CACNA2D3: variants seen among roughly 807,000 people sequenced by gnomAD.
CACNA2D3 encodes calcium voltage-gated channel auxiliary subunit alpha2delta 3.
A neutral mutation model predicts 160.6 loss-of-function variants in CACNA2D3; 60 were observed. That is an observed-to-expected ratio of 0.37 (90% confidence interval 0.30 to 0.46). The LOEUF (loss-of-function observed/expected upper bound fraction) is 0.46. Among genes scored for constraint, CACNA2D3 ranks in the 20% least tolerant of loss-of-function variants. The pLI is 1.00. For synonymous variants in CACNA2D3, 558 were observed against 492.9 expected (o/e 1.13, Z -1.75); for missense variants, 1,205 against 1,365.0 (o/e 0.88, Z 1.85).
At chr3:54,962,198 C>G (rs1702046873) in intron 27 of CACNA2D3, among the ~76,000 whole-genome samples, 1 of 152,140 alleles carries the variant, frequency 6.6e-6, no homozygotes, top group African/African-American at 2.4e-5. Context: ...TCAGAGAGGA[C>G]CAACATTCAA....
At chr3:54,938,871 ATTAG>A (rs774758294) in intron 27 of CACNA2D3, among the ~76,000 whole-genome samples, 24 of 152,132 alleles carry the variant, frequency 1.6e-4, no homozygotes, top group Non-Finnish European at 2.5e-4. Context: ...GACAATCCCC[ATTAG>A]TGTGCCATGG....
chr3:54,714,414 T>G (rs1701011824), intron 11 of CACNA2D3, among the ~76,000 whole-genome samples: 1 of 152,106 alleles, frequency 6.6e-6, no homozygotes. Flanking sequence ...TAACAGGATG[T>G]TTTACTCAGA....
chr3:54,876,309 T>C (rs1405331), intron 18 of CACNA2D3: 129,352 of 152,152 alleles, frequency 0.85, 55,504 homozygotes, highest in African/African-American at 0.96. Context: ...AAGCCGCAGC[T>C]TCCTAAGATA....
chr3:54,385,868 A>G (rs1315051131), intron 3 of CACNA2D3: 1 of 486,646 alleles, frequency 2.1e-6, no homozygotes, highest in Non-Finnish European at 4.1e-6. Context: ...TTTTGCTTGG[A>G]TCTAAGATTT....
intron 3 of CACNA2D3, among the ~76,000 whole-genome samples, chr3:54,343,157 G>C (rs1698392729): frequency 1.3e-5 from 2 of 152,098 alleles, no homozygotes; most frequent in African/African-American, 4.8e-5. Context: ...TTAACCCAGA[G>C]AAGTGCTTCT....
At chr3:54,579,420 T>C (rs1053950805) in intron 8 of CACNA2D3, among the ~76,000 whole-genome samples, 1 of 152,116 alleles carries the variant, frequency 6.6e-6, no homozygotes, top group African/African-American at 2.4e-5. Flanking sequence ...AACTCCACAA[T>C]AGCATCCCAA....
intron 11 of CACNA2D3, among the ~76,000 whole-genome samples, chr3:54,680,789 A>T (rs1048176408): frequency 6.6e-6 from 1 of 152,176 alleles, no homozygotes; most frequent in South Asian, 2.1e-4. Context: ...TTTCAGGGTT[A>T]TAGCTATGTT....
intron 9 of CACNA2D3, among the ~76,000 whole-genome samples, chr3:54,613,919 G>A (rs924739678): frequency 2.6e-5 from 4 of 152,000 alleles, no homozygotes; most frequent in Admixed American, 6.5e-5. Context: ...TTTATACTAC[G>A]AAATACACTA....
At chr3:54,288,539 A>G (rs1470050722) in intron 2 of CACNA2D3, among the ~76,000 whole-genome samples, 1 of 152,200 alleles carries the variant, frequency 6.6e-6, no homozygotes, top group Non-Finnish European at 1.5e-5. Flanking sequence ...TCCAATCAAT[A>G]GAAAAAGAGG....
chr3:54,569,852 A>T lies in CACNA2D3; in HGVS notation c.734A>T (p.Lys245Ile). Reference protein sequence around the residue: ...GVIAFDCRNRKWYIQAATSPK... With the variant: ...GVIAFDCRNRIWYIQAATSPK... ...ATTGCCTTCGACTGCAGGAACCGAAAATGGTAGGCAGTGGTCAGACCTCTT... is the reference window on the plus strand; with the variant it reads ...ATTGCCTTCGACTGCAGGAACCGAATATGGTAGGCAGTGGTCAGACCTCTT... Residue 245 changes from lysine (K) to isoleucine (I), a missense_variant, in exon 7 of 38, where the codon AAA becomes ATA. Physicochemically the swap from Lys to Ile is moderately radical, Grantham distance 102. Transcript: ENST00000474759. 1 of 1,610,176 alleles carries T rather than the reference A, an allele frequency of 6.2e-7. No individual in the cohort carries two copies. The highest frequency in any genetic ancestry group is 8.5e-7 in the Non-Finnish European group (1 of 1,177,972).
rs541008131 is a variant in CACNA2D3, at chr3:54,955,370, C to T, written c.2450-13080C>T. ...GTCTGTCTGGGCTGGTGATGACTCCCACTCTCTTCTCTGGTCATTGATCTT... is the reference window on the plus strand; with the variant it reads ...GTCTGTCTGGGCTGGTGATGACTCCTACTCTCTTCTCTGGTCATTGATCTT... On this transcript the variant is annotated intron_variant, in intron 27 of 37. Coordinates refer to ENST00000474759, the MANE Select transcript of CACNA2D3 (RefSeq NM_018398.3). Among the ~76,000 whole-genome samples the T allele has an allele frequency of 5.9e-5, 9 of 152,250 alleles. No individual in the cohort carries two copies. In the South Asian group the frequency reaches 1.9e-3, roughly 32 times the overall value.
At chr3:54,864,589 C>T (rs1370732034) in intron 17 of CACNA2D3, among the ~76,000 whole-genome samples, 1 of 152,190 alleles carries the variant, frequency 6.6e-6, no homozygotes, top group Non-Finnish European at 1.5e-5. Flanking sequence ...TCTGACACTG[C>T]TTCTCCTCTC....
At chr3:54,434,903 T>G (rs1169807376) in intron 4 of CACNA2D3, among the ~76,000 whole-genome samples, 1 of 152,142 alleles carries the variant, frequency 6.6e-6, no homozygotes, top group Non-Finnish European at 1.5e-5. Flanking sequence ...GTAACCAGGA[T>G]TTATAGGTCC....
intron 11 of CACNA2D3, among the ~76,000 whole-genome samples, chr3:54,723,793 C>T (rs1391622644): frequency 6.6e-6 from 1 of 152,230 alleles, no homozygotes; most frequent in African/African-American, 2.4e-5. Context: ...CTGCGTTGAT[C>T]TCACTGGGAG....
intron 4 of CACNA2D3, among the ~76,000 whole-genome samples, chr3:54,417,522 A>G (rs1414402238): frequency 6.8e-6 from 1 of 146,364 alleles, no homozygotes; most frequent in African/African-American, 2.6e-5. Context: ...GATAGCAACT[A>G]TTTTTCTGCA....
At chr3:54,898,849 C>G (rs563223156) in intron 26 of CACNA2D3, among the ~76,000 whole-genome samples, 30 of 152,180 alleles carry the variant, frequency 2.0e-4, no homozygotes, top group African/African-American at 7.0e-4. Context: ...TTTCATAACC[C>G]CCTTAGAGTC....
intron 9 of CACNA2D3, among the ~76,000 whole-genome samples, chr3:54,622,432 C>T (rs1243834674): frequency 1.3e-5 from 2 of 152,262 alleles, no homozygotes; most frequent in East Asian, 3.9e-4. Flanking sequence ...CCCGCCACCA[C>T]GTCTGGCTAA....
At chr3:54,716,969 C>T (rs185170807) in intron 11 of CACNA2D3, among the ~76,000 whole-genome samples, 2 of 151,626 alleles carry the variant, frequency 1.3e-5, no homozygotes, top group Non-Finnish European at 1.5e-5. Context: ...AAGACAGAAC[C>T]TGCCAGGACC....
intron 2 of CACNA2D3, among the ~76,000 whole-genome samples, chr3:54,255,864 A>G (rs1702283671): frequency 6.6e-6 from 1 of 152,198 alleles, no homozygotes; most frequent in African/African-American, 2.4e-5. Flanking sequence ...CATTACTTCC[A>G]GAATTAATCA....
Sources: gnomAD v4.1 joint callset for allele counts (sites outside exome capture counted in the v4.1 genomes callset) on GRCh38, gnomAD v4.1.1 for gene constraint, MANE v1.5 for transcripts, NCBI Gene and HGNC (gene_info 2026-07-23, HGNC 2026-07-21) for gene names.